Variants in ADAMTS16 observed in about 807,000 individuals in gnomAD.
ADAMTS16 encodes the protein A disintegrin and metalloproteinase with thrombospondin motifs 16.
A neutral mutation model predicts 145.8 loss-of-function variants in ADAMTS16; 94 were observed. That is an observed-to-expected ratio of 0.64 (90% CI 0.55 to 0.77). ADAMTS16 has a LOEUF of 0.77. Ranked by LOEUF, ADAMTS16 falls within the 30% of genes least tolerant of loss-of-function variation. The probability of loss-of-function intolerance (pLI) is 0.00; values close to 1 mark genes in which losing one functional copy is unlikely to be tolerated. For missense variants in ADAMTS16, 1,585 were observed against 1,591.5 expected (o/e 1.00, Z 0.07); for synonymous variants, 659 against 604.3 (o/e 1.09, Z -1.33).
chr5:5,302,757 C>A (rs184827904), intron 18 of ADAMTS16, among the ~76,000 whole-genome samples: 81 of 152,176 alleles, frequency 5.3e-4, no homozygotes, highest in African/African-American at 1.8e-3. Context: ...GGGATGTTAA[C>A]GAATCATTAA....
chr5:5,240,331 G>A (rs191202149), intron 16 of ADAMTS16, among the ~76,000 whole-genome samples: 28 of 152,300 alleles, frequency 1.8e-4, no homozygotes, highest in Admixed American at 1.2e-3. Context: ...GCCCCTTGCT[G>A]TGTGATGACC....
rs1207036838 is a variant in ADAMTS16, at chr5:5,232,397, T to C, written c.1731T>C (p.Tyr577=). Reference sequence around the variant, plus strand: ...GCCGGGGAGGACAGTGTGTGAAATATGGTGATGAAGGCCCCAAGCCCACCC... The same window carrying C: ...GCCGGGGAGGACAGTGTGTGAAATACGGTGATGAAGGCCCCAAGCCCACCC... ...MWCRGGQCVK[Y]GDEGPKPTHG... The change falls in exon 12 of 23, where the codon TAT becomes TAC. Residue 577 remains tyrosine (Y), a synonymous_variant. Transcript: ENST00000274181. 9 of 1,613,890 alleles carry C rather than the reference T, an allele frequency of 5.6e-6. No individual in the cohort carries two copies. The highest frequency in any genetic ancestry group is 1.3e-5 in the African/African-American group (1 of 74,872).
intron 14 of ADAMTS16, among the ~76,000 whole-genome samples, chr5:5,237,429 G>T (rs969052881): frequency 2.6e-5 from 4 of 152,138 alleles, no homozygotes; most frequent in Non-Finnish European, 4.4e-5. Context: ...AATAGAGAGG[G>T]GACGTGGTGG....
At position 5,310,468 on chromosome 5, in the gene ADAMTS16, G is replaced by A. The variant is rs905076023; in HGVS notation, c.3411+3740G>A. Among the ~76,000 whole-genome samples the A allele has an allele frequency of 2.0e-5, 3 of 152,166 alleles. No individual in the cohort carries two copies. The highest frequency in any genetic ancestry group is 6.5e-5 in the Admixed American group (1 of 15,280). ...TATTGGAAATAGATGCAGATGTAAT[G>A]ACCTGGGCTGACATCATCCTGGATT... On this transcript the variant is annotated intron_variant, in intron 21 of 22. Transcript: ENST00000274181. The surrounding 1 kb of genome is among the most constrained non-coding windows in gnomAD (Gnocchi z 4.3).
chr5:5,191,863 C>CTTGATGAG, intron 8 of ADAMTS16, 73 bp downstream of exon 8: 1 of 1,127,788 alleles, frequency 8.9e-7, no homozygotes, highest in Non-Finnish European at 1.3e-6. Context: ...GAAATATTGA[C>CTTGATGAG]TCATCAAGTC....
At chr5:5,149,144 G>C (rs1030702669) in intron 3 of ADAMTS16, among the ~76,000 whole-genome samples, 2 of 152,116 alleles carry the variant, frequency 1.3e-5, no homozygotes, top group African/African-American at 4.8e-5. Context: ...TATTCAATGG[G>C]ATCTGTAAAC....
At chr5:5,156,488 T>C (rs112550152) in intron 3 of ADAMTS16, among the ~76,000 whole-genome samples, 69 of 152,288 alleles carry the variant, frequency 4.5e-4, no homozygotes, top group African/African-American at 1.6e-3. Context: ...TCCAGCCTTA[T>C]ATAGGGAAAG....
In ADAMTS16 at chr5:5,206,774, G is replaced by A. The variant is rs550346598; in HGVS notation, c.1452-2319G>A. Among the ~76,000 whole-genome samples, 581 of 152,154 alleles carry A rather than the reference G, an allele frequency of 3.8e-3. 2 individuals are homozygous for A. Among genetic ancestry groups the A allele is most frequent in the Non-Finnish European group, 4.8e-3 (327 of 68,002 alleles). ...TGGGATTACAGGTGTGAGCCACCGC[G>A]CCCGGCAGATTAATTTTTTTACGTG... On this transcript the variant is annotated intron_variant, in intron 9 of 22. Coordinates refer to ENST00000274181, the MANE Select transcript of ADAMTS16 (RefSeq NM_139056.4).
At chr5:5,287,711 G>A (rs1302921690) in intron 18 of ADAMTS16, among the ~76,000 whole-genome samples, 2 of 152,186 alleles carry the variant, frequency 1.3e-5, no homozygotes, top group African/African-American at 2.4e-5. Flanking sequence ...TTTGATTTGT[G>A]TAAAATATGG....
chr5:5,151,158 C>T (rs886717430), intron 3 of ADAMTS16, among the ~76,000 whole-genome samples: 2 of 151,830 alleles, frequency 1.3e-5, no homozygotes, highest in Non-Finnish European at 2.9e-5. Flanking sequence ...TAAAAATGTA[C>T]CTTCATTCAA....
intron 3 of ADAMTS16, among the ~76,000 whole-genome samples, chr5:5,157,386 A>C (rs1734628798): frequency 6.7e-6 from 1 of 150,248 alleles, no homozygotes; most frequent in Non-Finnish European, 1.5e-5. Context: ...TTTGTAGCAA[A>C]AATAAGCCTC....
In ADAMTS16 at chr5:5,306,608, T is replaced by A; in HGVS notation, c.3291T>A (p.His1097Gln). The change falls in exon 21 of 23, where the codon CAT becomes CAA. Residue 1097 changes from histidine (H) to glutamine (Q), a missense_variant. This residue lies in a region of ADAMTS16 where 834 missense variants were observed against 811.7 expected (regional missense o/e 1.03). Transcript: ENST00000274181. Reference protein sequence around the residue: ...YRELASKKCSHLPKPSLELER... With the variant: ...YRELASKKCSQLPKPSLELER... ...AGCTGGCCTCAAAGAAGTGCTCACA[T>A]TTGCCGAAGCCCAGCCTGGAGCTGG... 1 of 1,614,218 alleles carries A rather than the reference T, an allele frequency of 6.2e-7. No individual in the cohort carries two copies. Among genetic ancestry groups the A allele is most frequent in the South Asian group, 1.1e-5 (1 of 91,086 alleles).
intron 18 of ADAMTS16, among the ~76,000 whole-genome samples, chr5:5,277,973 CTCTG>C (rs978167660): frequency 1.3e-5 from 2 of 151,790 alleles, no homozygotes; most frequent in Non-Finnish European, 2.9e-5. Flanking sequence ...CAGAACAAGA[CTCTG>C]TCTTAAAAAA....
In ADAMTS16 at chr5:5,305,005, ATCCCACAC is replaced by A. The variant is rs1561000224; in HGVS notation, c.3186+1240_3186+1247del. 5.0e-4 allele frequency among the ~76,000 whole-genome samples: 29 copies of A among 58,320 alleles called. 2 individuals carry two copies. The highest frequency in any genetic ancestry group is 2.0e-3 in the African/African-American group (29 of 14,418). The allele number at this position is 58,320 out of a possible 152,430, so 38.3% of individuals were successfully genotyped here. A position where few individuals can be genotyped will look rare whatever the true frequency, so the allele number is the denominator to read the frequency against. On this transcript the variant is annotated intron_variant, in intron 20 of 22. Coordinates refer to ENST00000274181, the MANE Select transcript of ADAMTS16 (RefSeq NM_139056.4). The stretch of plus-strand genomic sequence containing the variant: ...CATCCTACACCACACACACACACAC[ATCCCACAC>A]CACACACACACACACACATCCATCC...
chr5:5,241,367 C>A (rs572841958), intron 16 of ADAMTS16, among the ~76,000 whole-genome samples: 4 of 152,292 alleles, frequency 2.6e-5, no homozygotes, highest in South Asian at 2.1e-4. Context: ...CCATTCCATG[C>A]CCTAAACTAT....
At chr5:5,234,818 C>T (rs111650735) in intron 12 of ADAMTS16, among the ~76,000 whole-genome samples, 196 bp from the exon 13 acceptor site, 15,561 of 137,622 alleles carry the variant, frequency 0.11, 1,208 homozygotes, top group Non-Finnish European at 0.16. Context: ...TGCAGCGAGC[C>T]GAGATCACAC....
chr5:5,304,160 G>T (rs1167195171), intron 20 of ADAMTS16, among the ~76,000 whole-genome samples: 1 of 152,192 alleles, frequency 6.6e-6, no homozygotes, highest in Non-Finnish European at 1.5e-5. Context: ...GGAAGAACAT[G>T]CGTTGCTTGG....
intron 18 of ADAMTS16, among the ~76,000 whole-genome samples, chr5:5,265,758 G>A (rs28537923): frequency 0.18 from 27,125 of 152,086 alleles, 2,756 homozygotes; most frequent in East Asian, 0.23. Context: ...CCTGCTCCCC[G>A]GACAGTGGGG....
chr5:5,306,018 C>T (rs1264036033), intron 20 of ADAMTS16, among the ~76,000 whole-genome samples: 1 of 152,188 alleles, frequency 6.6e-6, no homozygotes, highest in Admixed American at 6.5e-5. Flanking sequence ...AAGGGACGTG[C>T]TCTCCACGCA....
Sources: gnomAD v4.1 joint callset for allele counts (sites outside exome capture counted in the v4.1 genomes callset) on GRCh38, gnomAD v4.1.1 for gene constraint, gnomAD v4.1.1 regional missense constraint, Gnocchi (gnomAD v3.1) non-coding constraint, MANE v1.5 for transcripts, NCBI Gene and HGNC (gene_info 2026-07-23, HGNC 2026-07-21) for gene names.